SLC9A9: variants seen among roughly 807,000 people sequenced by gnomAD.
SLC9A9 encodes the protein sodium/hydrogen exchanger 9.
In SLC9A9, 62 loss-of-function variants were observed where a neutral mutation model predicts 77.8. The ratio of observed to expected loss-of-function variants is 0.80; its 90% CI spans 0.65 to 0.98. The LOEUF (loss-of-function observed/expected upper bound fraction) is 0.98, where lower values mean the gene tolerates loss of function less well. SLC9A9 is among the 50% of genes least tolerant of loss of function. SLC9A9 has a pLI of 0.00. For missense variants in SLC9A9, 775 were observed against 774.9 expected (o/e 1.00, Z 0.00); for synonymous variants, 320 against 283.5 (o/e 1.13, Z -1.29).
At chr3:143,468,606 T>A (rs2035324066) in intron 11 of SLC9A9, among the ~76,000 whole-genome samples, 2 of 152,346 alleles carry the variant, frequency 1.3e-5, no homozygotes, top group African/African-American at 4.8e-5. Context: ...ATTGGCTGTA[T>A]ATACAAAAGA....
chr3:143,320,360 G>A (rs1457808955), intron 14 of SLC9A9, among the ~76,000 whole-genome samples: 1 of 152,180 alleles, frequency 6.6e-6, no homozygotes, highest in African/African-American at 2.4e-5. Flanking sequence ...AAAGCATTGT[G>A]GGTTGAATTA....
chr3:143,509,784 A>T (rs2036085310), intron 9 of SLC9A9, among the ~76,000 whole-genome samples: 1 of 152,234 alleles, frequency 6.6e-6, no homozygotes, highest in African/African-American at 2.4e-5. Context: ...ATCTGCAAAA[A>T]AATTATATAC....
chr3:143,618,785 G>A (rs1403479309), intron 6 of SLC9A9, among the ~76,000 whole-genome samples: 1 of 152,158 alleles, frequency 6.6e-6, no homozygotes, highest in Non-Finnish European at 1.5e-5. Context: ...TTTCATCTGT[G>A]AACACAGAAA....
chr3:143,575,040 G>T (rs575328252), intron 7 of SLC9A9, among the ~76,000 whole-genome samples: 4 of 152,134 alleles, frequency 2.6e-5, no homozygotes, highest in Non-Finnish European at 5.9e-5. Context: ...ATTTAGCAGG[G>T]GAGCAGGGAG....
chr3:143,781,829 C>T (rs1052709237), intron 4 of SLC9A9, among the ~76,000 whole-genome samples: 1 of 152,202 alleles, frequency 6.6e-6, no homozygotes, highest in Admixed American at 6.5e-5. Flanking sequence ...ACTTTCTTTA[C>T]AGCTACCTCT....
chr3:143,622,630 A>G (rs2038238499), intron 6 of SLC9A9, among the ~76,000 whole-genome samples: 1 of 152,206 alleles, frequency 6.6e-6, no homozygotes. Flanking sequence ...AAACATGGAA[A>G]GGAACAACTG....
chr3:143,784,291 C>T (rs2007976106), intron 4 of SLC9A9, among the ~76,000 whole-genome samples: 1 of 152,134 alleles, frequency 6.6e-6, no homozygotes. Flanking sequence ...TATTTTCCCA[C>T]ACAAATTTTA....
chr3:143,454,985 G>T (rs2035064585), intron 12 of SLC9A9, among the ~76,000 whole-genome samples: 1 of 152,148 alleles, frequency 6.6e-6, no homozygotes, highest in Non-Finnish European at 1.5e-5. Flanking sequence ...GATTAAGTCA[G>T]CCTCACAAGG....
At chr3:143,395,341 A>G (rs1328405774) in intron 12 of SLC9A9, among the ~76,000 whole-genome samples, 1 of 152,236 alleles carries the variant, frequency 6.6e-6, no homozygotes, top group Non-Finnish European at 1.5e-5. Context: ...AAAACAAGGA[A>G]TGGGGAAAGG....
intron 9 of SLC9A9, among the ~76,000 whole-genome samples, chr3:143,541,529 T>A (rs2036689601): frequency 6.6e-6 from 1 of 152,266 alleles, no homozygotes; most frequent in Non-Finnish European, 1.5e-5. Context: ...TTAAAGCTGC[T>A]AAATTTGGGA....
intron 4 of SLC9A9, among the ~76,000 whole-genome samples, chr3:143,772,388 A>C (rs531741959): frequency 6.6e-5 from 10 of 152,238 alleles, no homozygotes; most frequent in African/African-American, 2.4e-4. Context: ...TTAGTTACAG[A>C]AAAAAGTAAA....
intron 6 of SLC9A9, among the ~76,000 whole-genome samples, chr3:143,588,732 A>C (rs1157649912): frequency 2.0e-5 from 3 of 152,222 alleles, no homozygotes; most frequent in Non-Finnish European, 2.9e-5. Flanking sequence ...GATAGTCCTA[A>C]AGATAAAAGC....
chr3:143,541,621 A>G lies in SLC9A9; in HGVS notation c.1089+10741T>C, dbSNP rs2036691637. 2.0e-5 allele frequency among the ~76,000 whole-genome samples: 3 copies of G among 152,230 alleles called. No homozygotes were observed. In the South Asian group the frequency reaches 6.2e-4, roughly 32 times the overall value. On this transcript the variant is annotated intron_variant, in intron 9 of 15. Coordinates refer to ENST00000316549, the MANE Select transcript of SLC9A9 (RefSeq NM_173653.4). ...GCTGTGTATTTTTAATTGACAGTGC[A>G]TATCCCTTGAGCAATGACCCATGTC...
chr3:143,777,903 C>A (rs138628690), intron 4 of SLC9A9, among the ~76,000 whole-genome samples: 1 of 151,362 alleles, frequency 6.6e-6, no homozygotes, highest in African/African-American at 2.4e-5. Context: ...TTAGTAGAGA[C>A]GGGGTTTCAC....
chr3:143,527,118 A>G (rs1164134115), intron 9 of SLC9A9, among the ~76,000 whole-genome samples: 1 of 152,218 alleles, frequency 6.6e-6, no homozygotes, highest in Non-Finnish European at 1.5e-5. Flanking sequence ...TATAGAGAAT[A>G]GTGATGAGAT....
intron 14 of SLC9A9, among the ~76,000 whole-genome samples, chr3:143,333,063 G>A (rs1429271694): frequency 6.6e-6 from 1 of 152,184 alleles, no homozygotes; most frequent in Non-Finnish European, 1.5e-5. Context: ...TGATGAGAAT[G>A]TGAATGTTTC....
At chr3:143,592,635 T>C (rs2037671168) in intron 6 of SLC9A9, among the ~76,000 whole-genome samples, 1 of 151,974 alleles carries the variant, frequency 6.6e-6, no homozygotes, top group South Asian at 2.1e-4. Context: ...ACTGACAGAG[T>C]TGGGAAGTGT....
At chr3:143,555,775 C>T (rs1465437918) in intron 8 of SLC9A9, among the ~76,000 whole-genome samples, 2 of 152,184 alleles carry the variant, frequency 1.3e-5, no homozygotes, top group African/African-American at 4.8e-5. Flanking sequence ...GTTATCATTT[C>T]CTTGCCTCCA....
At chr3:143,577,389 C>G (rs2037377122) in intron 7 of SLC9A9, among the ~76,000 whole-genome samples, 1 of 152,152 alleles carries the variant, frequency 6.6e-6, no homozygotes, top group South Asian at 2.1e-4. Context: ...CAGCCTTTGC[C>G]CCTATTCTAT....
Sources: gnomAD v4.1 joint callset for allele counts (sites outside exome capture counted in the v4.1 genomes callset) on GRCh38, gnomAD v4.1.1 for gene constraint, MANE v1.5 for transcripts, NCBI Gene and HGNC (gene_info 2026-07-23, HGNC 2026-07-21) for gene names.